GPR19: variants seen among roughly 807,000 people sequenced by gnomAD.
GPR19 encodes G protein-coupled receptor 19.
A neutral mutation model predicts 28.5 loss-of-function variants in GPR19; 14 were observed. That is an observed-to-expected ratio of 0.49 (90% CI 0.32 to 0.77). GPR19 has a LOEUF of 0.77. Among genes scored for constraint, GPR19 ranks in the 30% least tolerant of loss-of-function variants. The pLI is 0.03. For missense variants in GPR19, 409 were observed against 504.1 expected, an observed-to-expected ratio of 0.81 and a Z score of 1.81; for synonymous variants, 173 against 184.1, an observed-to-expected ratio of 0.94 and a Z score of 0.49.
chr12:12,704,849 C>G, the GPR19 span, among the ~76,000 whole-genome samples: 2 of 152,132 alleles, frequency 1.3e-5, no homozygotes, highest in Non-Finnish European at 2.9e-5. Flanking sequence ...CTTCTGTCCT[C>G]CTGTGGCCAC....
chr12:12,713,559 G>A, the GPR19 span, among the ~76,000 whole-genome samples: 15 of 151,694 alleles, frequency 9.9e-5, no homozygotes, highest in African/African-American at 3.1e-4. Context: ...GTGAGATGGA[G>A]TCTCACTCTG....
At chr12:12,694,539 C>T (rs571400929) in intron 2 of GPR19, among the ~76,000 whole-genome samples, 133 of 152,214 alleles carry the variant, frequency 8.7e-4, no homozygotes, top group Non-Finnish European at 1.8e-3. Flanking sequence ...TCCCTAAATA[C>T]AGACGGACCT....
intron 3 of GPR19, among the ~76,000 whole-genome samples, chr12:12,665,128 A>G (rs1273090757): frequency 6.6e-6 from 1 of 152,188 alleles, no homozygotes; most frequent in African/African-American, 2.4e-5. Flanking sequence ...CCCCAGACAG[A>G]AAACTGTTCT....
chr12:12,688,692 T>G (rs1479083047), intron 2 of GPR19: 1 of 152,240 alleles, frequency 6.6e-6, no homozygotes, highest in African/African-American at 2.4e-5. Context: ...TCTGTTCTCT[T>G]GAAGGATGAT....
chr12:12,664,125 G>A (rs553344854), intron 3 of GPR19, among the ~76,000 whole-genome samples: 9 of 152,104 alleles, frequency 5.9e-5, no homozygotes, highest in Admixed American at 1.3e-4. Context: ...GAGTAGTTGG[G>A]ACTAGAGGCG....
rs762323714 is a variant in GPR19, at chr12:12,662,416, C to T, written c.33G>A (p.Lys11=). The change falls in exon 4 of 4, where the codon AAG becomes AAA. Residue 11 remains lysine, a synonymous_variant. Coordinates refer to ENST00000651487, the MANE Select transcript of GPR19 (RefSeq NM_006143.3). ...GAAGTGTAGGAATAATCAAATGTGG[C>T]TTGCTGTTATCCATTCTGTGAGCAA... MVFAHRMDNS[K]PHLIIPTLLV... 8 of 1,614,118 alleles carry T rather than the reference C, an allele frequency of 5.0e-6. No individual in the cohort carries two copies. Among genetic ancestry groups the T allele is most frequent in the Non-Finnish European group, 5.9e-6 (7 of 1,180,014 alleles).
chr12:12,708,081 C>G, the GPR19 span, among the ~76,000 whole-genome samples: 4 of 146,570 alleles, frequency 2.7e-5, no homozygotes, highest in African/African-American at 1.0e-4. Context: ...CTCACTACAG[C>G]CTCAACCTCC....
At chr12:12,714,852 C>A in the GPR19 span, among the ~76,000 whole-genome samples, 1 of 152,160 alleles carries the variant, frequency 6.6e-6, no homozygotes, top group Non-Finnish European at 1.5e-5. Flanking sequence ...ATCTCCGGTG[C>A]CTTGACTGTA....
chr12:12,675,367 G>GGT (rs1344373105), intron 3 of GPR19, among the ~76,000 whole-genome samples: 24 of 152,158 alleles, frequency 1.6e-4, no homozygotes, highest in Non-Finnish European at 3.4e-4. Context: ...CCATCAGCCT[G>GGT]GTAGGATAGA....
At chr12:12,712,269 A>T in the GPR19 span, among the ~76,000 whole-genome samples, 1 of 152,160 alleles carries the variant, frequency 6.6e-6, no homozygotes, top group African/African-American at 2.4e-5. Flanking sequence ...CCACAGTGGG[A>T]CTGTCTGCCC....
At chr12:12,664,076 C>T (rs1045863495) in intron 3 of GPR19, among the ~76,000 whole-genome samples, 2 of 152,154 alleles carry the variant, frequency 1.3e-5, no homozygotes, top group East Asian at 1.9e-4. Flanking sequence ...TCAATGCAAC[C>T]TCCCCCTCCC....
rs1016509153 is a variant in GPR19, at chr12:12,662,387, A to G, written c.62T>C (p.Val21Ala). The G allele has an allele frequency of 5.3e-5, 85 of 1,614,002 alleles. No individual in the cohort carries two copies. Among genetic ancestry groups the G allele is most frequent in the Non-Finnish European group, 6.8e-5 (80 of 1,180,024 alleles). Residue 21 changes from valine (V) to alanine (A), a missense_variant, in exon 4 of 4, where the codon GTG becomes GCG. By Grantham distance (64) the Val-to-Ala change is moderately conservative (BLOSUM62 0). Transcript: ENST00000651487. ...KPHLIIPTLL[V>A]PLQNRSCTET... ...AGTGCAGCTGCGGTTTTGGAGGGGC[A>G]CCAGAAGTGTAGGAATAATCAAATG...
chr12:12,689,641 A>G (rs1362008414), intron 2 of GPR19, among the ~76,000 whole-genome samples: 3 of 152,174 alleles, frequency 2.0e-5, no homozygotes, highest in Admixed American at 1.3e-4. Flanking sequence ...TACATCCACA[A>G]ATTCTTTGAT....
At chr12:12,679,651 C>G (rs1261553121) in intron 3 of GPR19, among the ~76,000 whole-genome samples, 3 of 105,036 alleles carry the variant, frequency 2.9e-5, no homozygotes, top group Non-Finnish European at 6.4e-5. Context: ...GAGACCTTGT[C>G]TCTGGAAAAA....
intron 3 of GPR19, among the ~76,000 whole-genome samples, chr12:12,667,411 C>T (rs1945798815): frequency 1.3e-5 from 2 of 152,142 alleles, no homozygotes; most frequent in African/African-American, 4.8e-5. Context: ...GAACTGGGGG[C>T]CAGGCATGGT....
At chr12:12,694,775 A>G (rs1946238400) in intron 2 of GPR19, among the ~76,000 whole-genome samples, 1 of 152,198 alleles carries the variant, frequency 6.6e-6, no homozygotes, top group South Asian at 2.1e-4. Flanking sequence ...ATATGACATC[A>G]TATCGAGATG....
chr12:12,665,452 C>T (rs1945756683), intron 3 of GPR19, among the ~76,000 whole-genome samples: 1 of 152,184 alleles, frequency 6.6e-6, no homozygotes. Flanking sequence ...GTCTAGATTT[C>T]CCCTGCTGGT....
chr12:12,673,930 G>T (rs773529402), intron 3 of GPR19, among the ~76,000 whole-genome samples: 5 of 152,060 alleles, frequency 3.3e-5, no homozygotes, highest in Non-Finnish European at 7.4e-5. Flanking sequence ...AAGCATAGAA[G>T]CAGGGAGAAT....
At chr12:12,696,205 G>T (rs758254546), upstream of GPR19, 1 of 152,130 alleles carries the variant, frequency 6.6e-6, no homozygotes, top group African/African-American at 2.4e-5. Flanking sequence ...ACTTTTGCGC[G>T]CTAAAAATGA....
Sources: gnomAD v4.1 joint callset for allele counts (sites outside exome capture counted in the v4.1 genomes callset) on GRCh38, gnomAD v4.1.1 for gene constraint, MANE v1.5 for transcripts, NCBI Gene and HGNC (gene_info 2026-07-23, HGNC 2026-07-21) for gene names.